SCNN1B: variants seen among roughly 807,000 people sequenced by gnomAD.
The protein encoded by SCNN1B is epithelial sodium channel subunit beta.
SCNN1B carries 46 observed loss-of-function variants against 65.3 expected under a neutral mutation model. The ratio of observed to expected loss-of-function variants is 0.70; its 90% CI spans 0.56 to 0.90. The LOEUF is 0.90. Among genes scored for constraint, SCNN1B ranks in the 40% least tolerant of loss-of-function variants. The pLI is 0.00. For synonymous variants in SCNN1B, 349 were observed against 330.6 expected (o/e 1.06, Z -0.60); for missense variants, 751 against 830.5 (o/e 0.90, Z 1.18).
intron 7 of SCNN1B, among the ~76,000 whole-genome samples, chr16:23,374,056 G>A (rs1186308728): frequency 6.6e-6 from 1 of 152,086 alleles, no homozygotes; most frequent in East Asian, 1.9e-4. Flanking sequence ...CTCCATCACA[G>A]GGCCTGGAAG....
At chr16:23,335,609 G>C (rs975734726) in intron 1 of SCNN1B, among the ~76,000 whole-genome samples, 12 of 151,866 alleles carry the variant, frequency 7.9e-5, no homozygotes, top group African/African-American at 2.9e-4. Flanking sequence ...ACCATGCCCA[G>C]CTAATATTTG....
chr16:23,372,801 A>AT (rs1555489583), intron 7 of SCNN1B, among the ~76,000 whole-genome samples: 3 of 148,866 alleles, frequency 2.0e-5, no homozygotes. Flanking sequence ...CTTTATTATT[A>AT]TTTTTTTAAA....
chr16:23,307,540 G>A (rs1344168025), intron 1 of SCNN1B, among the ~76,000 whole-genome samples: 2 of 152,050 alleles, frequency 1.3e-5, no homozygotes, highest in Non-Finnish European at 1.5e-5. Context: ...AGCTGGTCTC[G>A]AACTCCTGAC....
At chr16:23,377,038 A>G in intron 8 of SCNN1B, 127 bp from the exon 9 acceptor site, 1 of 846,060 alleles carries the variant, frequency 1.2e-6, no homozygotes, top group Non-Finnish European at 2.0e-6. Context: ...ATTTTTCATG[A>G]CACCTCCTCC....
intron 10 of SCNN1B, among the ~76,000 whole-genome samples, 185 bp downstream of exon 10, chr16:23,377,571 T>TTTA (rs1962928617): frequency 4.3e-5 from 1 of 23,324 alleles, no homozygotes; most frequent in African/African-American, 1.3e-4. Flanking sequence ...CCTCCTCTCT[T>TTTA]TTCCCTTCCT....
At chr16:23,295,985 C>G (rs1423676134) in intron 2 of SCNN1B, among the ~76,000 whole-genome samples, 1 of 152,190 alleles carries the variant, frequency 6.6e-6, no homozygotes, top group Admixed American at 6.5e-5. Flanking sequence ...TCCTGAGCGT[C>G]AGGCTGGCTG....
At position 23,371,706 on chromosome 16, in the gene SCNN1B, T is replaced by C. The variant is rs900689094; in HGVS notation, c.1045-70T>C. 5 of 1,304,688 alleles carry C rather than the reference T, an allele frequency of 3.8e-6. No individual in the cohort carries two copies. The Admixed American group carries it at 6.7e-5, about 18-fold the overall frequency. 80.8% of individuals were successfully genotyped at this position (1,304,688 alleles called of 1,614,324 possible). ...CAGCCCTCTGTCCCCAAATGCTTGA[T>C]AGAAGGGAGGTGCAGAAAGGGCTTC... is the stretch of plus-strand genomic sequence containing the variant. On this transcript the variant is annotated intron_variant, in intron 6 of 12. Transcript: ENST00000343070.
At chr16:23,330,969 C>T (rs1240745743) in intron 1 of SCNN1B, among the ~76,000 whole-genome samples, 3 of 152,184 alleles carry the variant, frequency 2.0e-5, no homozygotes, top group African/African-American at 7.2e-5. Context: ...TCCAAGGACC[C>T]TGGCACATGC....
chr16:23,350,839 G>C (rs1458078713), intron 2 of SCNN1B, among the ~76,000 whole-genome samples: 1 of 152,146 alleles, frequency 6.6e-6, no homozygotes, highest in Non-Finnish European at 1.5e-5. Flanking sequence ...CTTGAACTCA[G>C]GAGGTGGAGG....
chr16:23,360,201 A>AAAAATAAATAAAT (rs1555488432), intron 4 of SCNN1B, among the ~76,000 whole-genome samples: 1 of 132,752 alleles, frequency 7.5e-6, no homozygotes, highest in Non-Finnish European at 1.7e-5. Flanking sequence ...CCATCTCAAA[A>AAAAATAAATAAAT]AAATAAATAA....
chr16:23,335,425 T>C (rs1344754415), intron 1 of SCNN1B, among the ~76,000 whole-genome samples: 6 of 151,264 alleles, frequency 4.0e-5, no homozygotes, highest in Non-Finnish European at 7.4e-5. Flanking sequence ...GTGCTGGGAT[T>C]ATAGGAGTGA....
rs1184453929 is a variant in SCNN1B, at chr16:23,377,324, T to C, written c.1347-5T>C. 6.2e-7 allele frequency: 1 copy of C among 1,614,148 alleles called. No individual in the cohort carries two copies. Among genetic ancestry groups the C allele is most frequent in the South Asian group, 1.1e-5 (1 of 91,082 alleles). ...GACCACAACAGGCCTGGCCTTCTCT[T>C]TCAGTGACACCCAGTACAAGATGAC... On this transcript the variant is annotated splice_polypyrimidine_tract_variant and splice_region_variant and intron_variant, in intron 9 of 12. Coordinates refer to ENST00000343070, the MANE Select transcript of SCNN1B (RefSeq NM_000336.3).
Position 23,380,747 on chromosome 16 carries a change from G to C in SCNN1B, c.1869G>C (p.Leu623=), listed in dbSNP as rs781204308. 25 of 1,612,514 alleles carry C rather than the reference G, an allele frequency of 1.6e-5. No individual in the cohort carries two copies. The highest frequency in any genetic ancestry group is 1.9e-5 in the Non-Finnish European group (23 of 1,179,920). Residue 623 remains leucine, a synonymous_variant, in exon 13 of 13, where the codon CTG becomes CTC. Coordinates refer to ENST00000343070, the MANE Select transcript of SCNN1B (RefSeq NM_000336.3). The surrounding 1 kb of genome is among the most constrained non-coding windows in gnomAD (Gnocchi z 5.4). ...CCCCGCCCCCCAACTATGACTCCCT[G>C]CGTCTGCAGCCGCTGGACGTCATCG... ...PGTPPPNYDS[L]RLQPLDVIES... is the part of the protein sequence containing the mutation.
At chr16:23,363,795 C>G (rs1171692400) in intron 4 of SCNN1B, among the ~76,000 whole-genome samples, 1 of 151,088 alleles carries the variant, frequency 6.6e-6, no homozygotes, top group Non-Finnish European at 1.5e-5. Flanking sequence ...GCCTGGGCAA[C>G]AGAGTGACAC....
chr16:23,325,055 T>C (rs183312452), intron 1 of SCNN1B, among the ~76,000 whole-genome samples: 267 of 152,286 alleles, frequency 1.8e-3, no homozygotes, highest in Middle Eastern at 0.017. Flanking sequence ...AATAAGACTC[T>C]GTCAACAAGG....
Position 23,352,937 on chromosome 16 carries a change from CT to C in SCNN1B, c.449del (p.Leu150ArgfsTer25). On this transcript the variant is annotated frameshift_variant, in exon 3 of 13. Transcript: ENST00000343070. LOFTEE classifies it high-confidence loss of function. Reference sequence around the variant, plus strand: ...CTTCTCCATCTGGAACCACACACCCCTGGTCCTTATTGATGAACGGAACCCC... The same window carrying C: ...CTTCTCCATCTGGAACCACACACCCCGGTCCTTATTGATGAACGGAACCCC... ...LNFSIWNHTP[L>X]VLIDERNPHH... The C allele has an allele frequency of 6.2e-7, 1 of 1,614,226 alleles. No homozygotes were observed. Among genetic ancestry groups the C allele is most frequent in the Non-Finnish European group, 8.5e-7 (1 of 1,180,042 alleles).
chr16:23,293,682 T>A (rs1960957683), intron 2 of SCNN1B, among the ~76,000 whole-genome samples: 2 of 152,108 alleles, frequency 1.3e-5, no homozygotes, highest in African/African-American at 4.8e-5. Flanking sequence ...ATCCCAGCAC[T>A]TTGGGAGGCT....
intron 1 of SCNN1B, among the ~76,000 whole-genome samples, chr16:23,316,020 T>TCATTAC (rs1961447134): frequency 6.9e-6 from 1 of 144,838 alleles, no homozygotes; most frequent in African/African-American, 2.6e-5. Flanking sequence ...ATCATCCCCA[T>TCATTAC]CATCACCATC....
intron 5 of SCNN1B, among the ~76,000 whole-genome samples, chr16:23,368,853 C>T (rs1381087154): frequency 2.6e-5 from 4 of 151,920 alleles, no homozygotes; most frequent in South Asian, 2.1e-4. Flanking sequence ...GATGTGCACA[C>T]GTGGATATAG....
Sources: allele counts gnomAD v4.1 joint callset (sites outside exome capture counted in the v4.1 genomes callset), GRCh38; gene constraint gnomAD v4.1.1; non-coding constraint Gnocchi (gnomAD v3.1); transcripts MANE v1.5; gene names NCBI Gene and HGNC (gene_info 2026-07-23, HGNC 2026-07-21).